EXOC6B: variants seen among roughly 807,000 people sequenced by gnomAD.
EXOC6B encodes exocyst complex component 6B.
A neutral mutation model predicts 113.5 loss-of-function variants in EXOC6B; 54 were observed. That is an observed-to-expected ratio of 0.48 (90% CI 0.38 to 0.60). The LOEUF is 0.60. Ranked by LOEUF, EXOC6B falls within the 20% of genes least tolerant of loss-of-function variation. The probability of loss-of-function intolerance (pLI) is 0.00; values close to 1 mark genes in which losing one functional copy is unlikely to be tolerated. For synonymous variants in EXOC6B, 357 were observed against 339.0 expected, an observed-to-expected ratio of 1.05 and a Z score of -0.58; for missense variants, 797 against 977.5, an observed-to-expected ratio of 0.82 and a Z score of 2.46.
chr2:72,613,584 C>G (rs1042461874), intron 6 of EXOC6B, among the ~76,000 whole-genome samples: 1 of 151,926 alleles, frequency 6.6e-6, no homozygotes, highest in African/African-American at 2.4e-5. Flanking sequence ...GAATGGTTTG[C>G]CATTTTTTCT....
chr2:72,274,684 G>A (rs1684707002), intron 20 of EXOC6B, among the ~76,000 whole-genome samples: 1 of 152,056 alleles, frequency 6.6e-6, no homozygotes, highest in African/African-American at 2.4e-5. Context: ...GCAGAGACGT[G>A]AACAATTAGA....
chr2:72,542,542 A>G (rs1234199198), intron 8 of EXOC6B, among the ~76,000 whole-genome samples: 2 of 152,208 alleles, frequency 1.3e-5, no homozygotes, highest in Non-Finnish European at 1.5e-5. Flanking sequence ...AAATAAATCA[A>G]TTCTATTCAT....
At chr2:72,724,969 T>C (rs987836604) in intron 5 of EXOC6B, among the ~76,000 whole-genome samples, 1 of 151,834 alleles carries the variant, frequency 6.6e-6, no homozygotes, top group Admixed American at 6.6e-5. Context: ...ATAACTAAAG[T>C]CCCAAAATGG....
At chr2:72,410,317 C>T (rs1025635473) in intron 18 of EXOC6B, among the ~76,000 whole-genome samples, 3 of 152,142 alleles carry the variant, frequency 2.0e-5, no homozygotes, top group East Asian at 3.8e-4. Context: ...TGGAACGTTT[C>T]TGAAAATTTG....
intron 20 of EXOC6B, among the ~76,000 whole-genome samples, chr2:72,275,799 A>G (rs1402619861): frequency 3.3e-5 from 5 of 152,128 alleles, no homozygotes; most frequent in Admixed American, 2.6e-4. Flanking sequence ...TTATAATTTC[A>G]TTTTCAAACA....
intron 20 of EXOC6B, among the ~76,000 whole-genome samples, chr2:72,233,247 T>C (rs546677502): frequency 6.6e-6 from 1 of 151,878 alleles, no homozygotes; most frequent in South Asian, 2.1e-4. Flanking sequence ...GCCAAGGTGG[T>C]GGACTAGAAG....
intron 16 of EXOC6B, among the ~76,000 whole-genome samples, chr2:72,484,021 T>G (rs1699267968): frequency 6.6e-6 from 1 of 152,204 alleles, no homozygotes; most frequent in Non-Finnish European, 1.5e-5. Flanking sequence ...CTCTCACAAG[T>G]AAATGACACA....
intron 20 of EXOC6B, among the ~76,000 whole-genome samples, chr2:72,316,576 T>A (rs1287081767): frequency 6.6e-6 from 1 of 152,180 alleles, no homozygotes; most frequent in East Asian, 1.9e-4. Context: ...CAAATATTAT[T>A]CAGAAATTCA....
At chr2:72,396,036 A>T (rs1317571375) in intron 18 of EXOC6B, among the ~76,000 whole-genome samples, 2 of 152,124 alleles carry the variant, frequency 1.3e-5, no homozygotes, top group African/African-American at 2.4e-5. Flanking sequence ...AGTAAAATTT[A>T]ACATAAAATT....
chr2:72,434,176 C>T (rs1038693369), intron 18 of EXOC6B, among the ~76,000 whole-genome samples: 1 of 152,138 alleles, frequency 6.6e-6, no homozygotes, highest in South Asian at 2.1e-4. Context: ...TGGCTTTTGT[C>T]ATTGCTTTTG....
chr2:72,743,266 T>C (rs1573725228), intron 1 of EXOC6B, among the ~76,000 whole-genome samples: 1 of 152,210 alleles, frequency 6.6e-6, no homozygotes, highest in Non-Finnish European at 1.5e-5. Context: ...TTCCATCTAC[T>C]CCACCCCCTG....
chr2:72,571,704 A>C (rs1214342704), intron 7 of EXOC6B, among the ~76,000 whole-genome samples: 1 of 152,212 alleles, frequency 6.6e-6, no homozygotes, highest in African/African-American at 2.4e-5. Context: ...TTTTCATTCA[A>C]AATGACAATT....
At chr2:72,276,552 C>G (rs1221565131) in intron 20 of EXOC6B, among the ~76,000 whole-genome samples, 2 of 152,126 alleles carry the variant, frequency 1.3e-5, no homozygotes, top group African/African-American at 4.8e-5. Context: ...GACCCATTTT[C>G]CTACTTAAAA....
intron 20 of EXOC6B, among the ~76,000 whole-genome samples, chr2:72,281,408 A>T (rs1469259385): frequency 6.6e-6 from 1 of 152,220 alleles, no homozygotes; most frequent in Non-Finnish European, 1.5e-5. Context: ...TGAAATCAGA[A>T]ATAGACTTTA....
intron 18 of EXOC6B, among the ~76,000 whole-genome samples, chr2:72,397,625 A>AAAAATAAAT (rs1553396400): frequency 9.6e-6 from 1 of 104,142 alleles, no homozygotes; most frequent in African/African-American, 7.9e-5. Context: ...CTCAAAAAAA[A>AAAAATAAAT]AAAATAAAAT....
At chr2:72,327,040 G>A (rs556387742) in intron 20 of EXOC6B, among the ~76,000 whole-genome samples, 4 of 151,992 alleles carry the variant, frequency 2.6e-5, no homozygotes, top group Non-Finnish European at 5.9e-5. Context: ...TACCCAAAAG[G>A]TTGTCAGAAC....
At chr2:72,186,745 G>A (rs935733739) in intron 20 of EXOC6B, among the ~76,000 whole-genome samples, 1 of 152,156 alleles carries the variant, frequency 6.6e-6, no homozygotes, top group Non-Finnish European at 1.5e-5. Context: ...TGGAATTAAT[G>A]TATTAGTATT....
At chr2:72,394,362 T>A (rs1692589274) in intron 18 of EXOC6B, among the ~76,000 whole-genome samples, 1 of 152,144 alleles carries the variant, frequency 6.6e-6, no homozygotes, top group Admixed American at 6.5e-5. Flanking sequence ...GACAATTAAG[T>A]GCTAAATTGA....
chr2:72,458,351 C>A lies in EXOC6B; in HGVS notation c.1980+6809G>T, dbSNP rs531378977. ...TTCCATGAGGAAATTATGTAGCATT[C>A]TAGGGAAGATAAACACAAATGTTAG... On this transcript the variant is annotated intron_variant, in intron 18 of 21. Coordinates refer to ENST00000272427, the MANE Select transcript of EXOC6B (RefSeq NM_015189.3). Among the ~76,000 whole-genome samples, 4 of 152,152 alleles carry A rather than the reference C, an allele frequency of 2.6e-5. No homozygotes were observed. In the South Asian group the frequency reaches 8.3e-4, roughly 32 times the overall value.
Sources: allele counts gnomAD v4.1 joint callset (sites outside exome capture counted in the v4.1 genomes callset), GRCh38; gene constraint gnomAD v4.1.1; transcripts MANE v1.5; gene names NCBI Gene and HGNC (gene_info 2026-07-23, HGNC 2026-07-21).